LRP1B: variants seen among roughly 807,000 people sequenced by gnomAD.
LRP1B encodes low-density lipoprotein receptor-related protein 1B.
In LRP1B, 217 loss-of-function variants were observed where a neutral mutation model predicts 556.6. The ratio of observed to expected loss-of-function variants is 0.39; its 90% CI spans 0.35 to 0.44. The LOEUF (loss-of-function observed/expected upper bound fraction) is 0.44, where lower values mean the gene tolerates loss of function less well. Among genes scored for constraint, LRP1B ranks in the 20% least tolerant of loss-of-function variants. The probability of loss-of-function intolerance (pLI) is 1.00; values close to 1 mark genes in which losing one functional copy is unlikely to be tolerated. For missense variants in LRP1B, 5,053 were observed against 5,620.8 expected, an observed-to-expected ratio of 0.90 and a Z score of 3.23; for synonymous variants, 2,047 against 1,865.8, an observed-to-expected ratio of 1.10 and a Z score of -2.50.
chr2:141,150,990 C>G (rs76784562), intron 7 of LRP1B, among the ~76,000 whole-genome samples: 1 of 151,576 alleles, frequency 6.6e-6, no homozygotes, highest in African/African-American at 2.4e-5. Context: ...AAGTCATTCA[C>G]AGATTTGATA....
At chr2:141,022,509 T>G (rs1698094187) in intron 11 of LRP1B, among the ~76,000 whole-genome samples, 1 of 152,014 alleles carries the variant, frequency 6.6e-6, no homozygotes, top group Non-Finnish European at 1.5e-5. Context: ...CATTATTTGG[T>G]CTCTGCTTTA....
At chr2:141,157,541 G>A (rs12997425) in intron 7 of LRP1B, among the ~76,000 whole-genome samples, 51,956 of 151,684 alleles carry the variant, frequency 0.34, 10,329 homozygotes, top group Non-Finnish European at 0.46. Context: ...ATATTGTTTC[G>A]TACAATATAA....
chr2:140,669,101 A>G (rs1215781891), intron 41 of LRP1B, among the ~76,000 whole-genome samples: 1 of 152,200 alleles, frequency 6.6e-6, no homozygotes, highest in Admixed American at 6.5e-5. Flanking sequence ...AGAACTGGGT[A>G]TCAGGGTATC....
At chr2:140,757,264 A>G (rs922265696) in intron 35 of LRP1B, among the ~76,000 whole-genome samples, 5 of 152,202 alleles carry the variant, frequency 3.3e-5, no homozygotes, top group African/African-American at 1.2e-4. Context: ...GTTTGAACAT[A>G]AACAGTTACC....
At chr2:140,638,200 A>T (rs570902080) in intron 41 of LRP1B, among the ~76,000 whole-genome samples, 1 of 152,308 alleles carries the variant, frequency 6.6e-6, no homozygotes, top group East Asian at 1.9e-4. Context: ...TCTAATGTAG[A>T]TATGAGAAAA....
chr2:141,566,227 C>CA (rs754114531), intron 2 of LRP1B, among the ~76,000 whole-genome samples: 2 of 149,282 alleles, frequency 1.3e-5, no homozygotes, highest in Non-Finnish European at 3.0e-5. Context: ...GAAACAACAA[C>CA]AAAAAAGGGC....
intron 2 of LRP1B, among the ~76,000 whole-genome samples, chr2:141,616,383 C>A (rs770620315): frequency 6.6e-6 from 1 of 151,882 alleles, no homozygotes; most frequent in African/African-American, 2.4e-5. Context: ...ATCATATTGA[C>A]TCTCCCACCC....
Position 140,850,344 on chromosome 2 carries a change from G to C in LRP1B, c.4712-15C>G, listed in dbSNP as rs764518853. 1.3e-6 allele frequency: 2 copies of C among 1,492,740 alleles called. No individual in the cohort carries two copies. 92.5% of individuals were successfully genotyped at this position (1,492,740 alleles called of 1,614,324 possible). ...TTTTTTCATTTCTAAAAAAGAAATA[G>C]AAATTCTTTTCTCTTATGAAGTTGG... On this transcript the variant is annotated splice_polypyrimidine_tract_variant and intron_variant, in intron 28 of 90. Transcript: ENST00000389484.
chr2:140,621,227 A>C (rs547386811), intron 41 of LRP1B, among the ~76,000 whole-genome samples: 1 of 148,234 alleles, frequency 6.7e-6, no homozygotes, highest in African/African-American at 2.5e-5. Context: ...TAAAAATACA[A>C]AAAAAAAAAT....
chr2:141,902,194 A>G (rs1699638041), intron 1 of LRP1B, among the ~76,000 whole-genome samples: 1 of 151,678 alleles, frequency 6.6e-6, no homozygotes, highest in East Asian at 1.9e-4. Flanking sequence ...AATAATAAAA[A>G]CTAAAAATAG....
At chr2:142,120,225 C>T (rs1052502239) in intron 1 of LRP1B, among the ~76,000 whole-genome samples, 1 of 152,156 alleles carries the variant, frequency 6.6e-6, no homozygotes, top group African/African-American at 2.4e-5. Context: ...GATTCTCCTG[C>T]CTCAGCCTCC....
At chr2:140,944,653 A>T (rs571174529) in intron 20 of LRP1B, among the ~76,000 whole-genome samples, 1 of 152,262 alleles carries the variant, frequency 6.6e-6, no homozygotes, top group South Asian at 2.1e-4. Flanking sequence ...CAGAATTAAA[A>T]TAGAAACCAT....
chr2:140,896,622 C>T (rs541389092), intron 23 of LRP1B, among the ~76,000 whole-genome samples: 6 of 152,290 alleles, frequency 3.9e-5, no homozygotes, highest in South Asian at 4.1e-4. Context: ...GCTGGGACCA[C>T]AGACATGCAC....
In LRP1B at chr2:140,247,135, C is replaced by T. The variant is rs1681200926; in HGVS notation, c.13275G>A (p.Gln4425=). The T allele has an allele frequency of 6.2e-7, 1 of 1,609,280 alleles. No homozygotes were observed. The highest frequency in any genetic ancestry group is 8.5e-7 in the Non-Finnish European group (1 of 1,176,654). Residue 4425 remains glutamine (Q), a synonymous_variant, in exon 87 of 91, where the codon CAG becomes CAA. Transcript: ENST00000389484. ...CLCSTNWSGT[Q]CERPAPKSSK... ...TGCTCTTTGGGGCTGGCCTTTCACA[C>T]TGTGTGCCTGACCAGTTGGTGGAGC...
intron 1 of LRP1B, among the ~76,000 whole-genome samples, chr2:141,813,375 G>C (rs1482680878): frequency 1.3e-5 from 2 of 152,064 alleles, no homozygotes; most frequent in Non-Finnish European, 2.9e-5. Flanking sequence ...CAGAGAATAT[G>C]ACATTTGAAT....
At chr2:141,150,193 G>A (rs763614381) in intron 7 of LRP1B, among the ~76,000 whole-genome samples, 28 of 152,144 alleles carry the variant, frequency 1.8e-4, no homozygotes, top group Non-Finnish European at 3.5e-4. Flanking sequence ...CCAATACGTG[G>A]ATGAGAACAA....
chr2:140,738,563 GATCCATTC>G (rs1688027962), intron 35 of LRP1B, among the ~76,000 whole-genome samples: 1 of 152,158 alleles, frequency 6.6e-6, no homozygotes, highest in Admixed American at 6.5e-5. Flanking sequence ...TACTGAAGCA[GATCCATTC>G]CTGAAAAATG....
intron 41 of LRP1B, among the ~76,000 whole-genome samples, chr2:140,644,334 C>A (rs553806674): frequency 6.6e-6 from 1 of 151,410 alleles, no homozygotes. Context: ...ATTCTTATGG[C>A]TTTATGTTAA....
At chr2:140,419,907 C>T (rs1361789931) in intron 66 of LRP1B, among the ~76,000 whole-genome samples, 1 of 151,206 alleles carries the variant, frequency 6.6e-6, no homozygotes, top group Non-Finnish European at 1.5e-5. Context: ...ACTTGGGTGG[C>T]TGAGGCAGGA....
Sources: allele counts gnomAD v4.1 joint callset (sites outside exome capture counted in the v4.1 genomes callset), GRCh38; gene constraint gnomAD v4.1.1; transcripts MANE v1.5; gene names NCBI Gene and HGNC (gene_info 2026-07-23, HGNC 2026-07-21).